The following BBS9 variants were observed in gnomAD, a reference collection of about 807,000 sequenced individuals.
BBS9 encodes the protein Bardet-Biedl syndrome 9.
In BBS9, 89 loss-of-function variants were observed where a neutral mutation model predicts 117.7. The ratio of observed to expected loss-of-function variants is 0.76; its 90% confidence interval spans 0.64 to 0.90. The LOEUF is 0.90. Ranked by LOEUF, BBS9 falls within the 40% of genes least tolerant of loss-of-function variation. The pLI is 0.00. For synonymous variants in BBS9, 379 were observed against 370.9 expected, an observed-to-expected ratio of 1.02 and a Z score of -0.25; for missense variants, 982 against 1,042.2, an observed-to-expected ratio of 0.94 and a Z score of 0.80.
intron 19 of BBS9, among the ~76,000 whole-genome samples, chr7:33,505,155 A>G (rs139788194): frequency 6.6e-6 from 1 of 152,338 alleles, no homozygotes; most frequent in Non-Finnish European, 1.5e-5. Flanking sequence ...GAGGTTACTT[A>G]TATTACCATA....
chr7:33,288,452 A>G (rs1490756194), intron 9 of BBS9, among the ~76,000 whole-genome samples: 1 of 152,132 alleles, frequency 6.6e-6, no homozygotes, highest in African/African-American at 2.4e-5. Context: ...TTATTCTGGG[A>G]ATTCGTTAAC....
Position 33,383,769 on chromosome 7 carries a change from T to C in BBS9, c.1893T>C (p.Asp631=). 1 of 1,612,984 alleles carries C rather than the reference T, an allele frequency of 6.2e-7. No homozygotes were observed. The highest frequency in any genetic ancestry group is 8.5e-7 in the Non-Finnish European group (1 of 1,179,792). Residue 631 remains aspartate (D), a synonymous_variant, in exon 18 of 23, where the codon GAT becomes GAC. Coordinates refer to ENST00000242067, the MANE Select transcript of BBS9 (RefSeq NM_198428.3). ...ATTTTGAAAAACAGGGAGTCAAAGATTTTGCATGTTCTTTTTCGGGATCTA... is the reference window on the plus strand; with the variant it reads ...ATTTTGAAAAACAGGGAGTCAAAGACTTTGCATGTTCTTTTTCGGGATCTA... ...QEYFEKQGVK[D]FACSFSGSIP... is the part of the protein sequence containing the mutation.
At chr7:33,230,736 C>T (rs1021541239) in intron 5 of BBS9, among the ~76,000 whole-genome samples, 6 of 152,142 alleles carry the variant, frequency 3.9e-5, no homozygotes, top group African/African-American at 1.2e-4. Context: ...AATGAAGTTG[C>T]TGCAAAAGAC....
chr7:33,264,433 T>C (rs1798469870), intron 7 of BBS9, 59 bp downstream of exon 7: 1 of 977,406 alleles, frequency 1.0e-6, no homozygotes, highest in Non-Finnish European at 1.5e-6. Context: ...TCACATATGT[T>C]TGTCAATAAT....
chr7:33,351,445 G>C, intron 14 of BBS9, 122 bp downstream of exon 14: 1 of 764,776 alleles, frequency 1.3e-6, no homozygotes, highest in Non-Finnish European at 2.3e-6. Flanking sequence ...ATTTTCTACT[G>C]TTAAGTAAAA....
chr7:33,596,154 A>G (rs1322019993), intron 21 of BBS9, among the ~76,000 whole-genome samples: 1 of 151,674 alleles, frequency 6.6e-6, no homozygotes, highest in Non-Finnish European at 1.5e-5. Context: ...AAACCTGCAT[A>G]TTCTGCACTT....
At chr7:33,510,302 G>C (rs770115593) in intron 20 of BBS9, among the ~76,000 whole-genome samples, 1 of 151,874 alleles carries the variant, frequency 6.6e-6, no homozygotes, top group Non-Finnish European at 1.5e-5. Context: ...TGTCTCGATT[G>C]ACCCTCTGTC....
At chr7:33,526,385 C>A (rs562243923) in intron 20 of BBS9, among the ~76,000 whole-genome samples, 1 of 152,326 alleles carries the variant, frequency 6.6e-6, no homozygotes, top group Non-Finnish European at 1.5e-5. Flanking sequence ...TTCAGATACA[C>A]CAATCAGACG....
At chr7:33,166,443 C>T (rs1795701824) in intron 4 of BBS9, among the ~76,000 whole-genome samples, 1 of 152,250 alleles carries the variant, frequency 6.6e-6, no homozygotes, top group Admixed American at 6.5e-5. Flanking sequence ...GCCTTTTGTT[C>T]AGCTATGCCC....
At chr7:33,497,631 G>A (rs907982482) in intron 19 of BBS9, among the ~76,000 whole-genome samples, 12 of 152,168 alleles carry the variant, frequency 7.9e-5, no homozygotes, top group African/African-American at 2.9e-4. Context: ...GATTTCTAGA[G>A]AACAAGTCAT....
chr7:33,379,422 A>G (rs1584566167), intron 17 of BBS9, among the ~76,000 whole-genome samples: 1 of 152,288 alleles, frequency 6.6e-6, no homozygotes, highest in East Asian at 1.9e-4. Flanking sequence ...TTTCATATAT[A>G]AAGAATTTTA....
At chr7:33,528,426 T>G (rs1450612006) in intron 20 of BBS9, among the ~76,000 whole-genome samples, 2 of 152,210 alleles carry the variant, frequency 1.3e-5, no homozygotes, top group East Asian at 1.9e-4. Context: ...CATTTTGTGG[T>G]TTTTCCCTAT....
At chr7:33,403,820 G>T (rs1478930042) in intron 19 of BBS9, among the ~76,000 whole-genome samples, 2 of 151,916 alleles carry the variant, frequency 1.3e-5, no homozygotes, top group South Asian at 4.2e-4. Context: ...TAGTCCTTTG[G>T]GTATATACCC....
At chr7:33,363,116 C>G (rs966144581) in intron 16 of BBS9, among the ~76,000 whole-genome samples, 3 of 151,844 alleles carry the variant, frequency 2.0e-5, no homozygotes, top group African/African-American at 7.3e-5. Flanking sequence ...ATTTTATTTT[C>G]TTTTGATATG....
At chr7:33,227,719 T>C (rs1791569916) in intron 5 of BBS9, among the ~76,000 whole-genome samples, 2 of 152,210 alleles carry the variant, frequency 1.3e-5, no homozygotes, top group African/African-American at 4.8e-5. Context: ...TTTGGTTTTC[T>C]ATTTCTGAAT....
intron 20 of BBS9, among the ~76,000 whole-genome samples, chr7:33,517,942 C>T (rs186584142): frequency 9.2e-5 from 14 of 152,254 alleles, no homozygotes; most frequent in South Asian, 4.1e-4. Flanking sequence ...TGTGCTTAAG[C>T]GTATACCAGA....
intron 2 of BBS9, among the ~76,000 whole-genome samples, chr7:33,146,831 C>T (rs1427753522): frequency 6.6e-6 from 1 of 151,462 alleles, no homozygotes; most frequent in African/African-American, 2.4e-5. Context: ...AGGTATCAGA[C>T]TGATAACTAT....
intron 21 of BBS9, among the ~76,000 whole-genome samples, chr7:33,547,456 A>G (rs1049510258): frequency 1.3e-5 from 2 of 152,242 alleles, no homozygotes; most frequent in African/African-American, 4.8e-5. Context: ...TCTAGAATAT[A>G]CATAGACTGA....
At chr7:33,183,234 G>GT (rs1798338293) in intron 5 of BBS9, among the ~76,000 whole-genome samples, 1 of 152,000 alleles carries the variant, frequency 6.6e-6, no homozygotes. Flanking sequence ...CACCTCCTCT[G>GT]TTTTTCCCAA....
Sources: gnomAD v4.1 joint callset for allele counts (sites outside exome capture counted in the v4.1 genomes callset) on GRCh38, gnomAD v4.1.1 for gene constraint, MANE v1.5 for transcripts, NCBI Gene and HGNC (gene_info 2026-07-23, HGNC 2026-07-21) for gene names.